DOK6: variants seen among roughly 807,000 people sequenced by gnomAD.
DOK6 encodes the protein docking protein 6.
In DOK6, 22 loss-of-function variants were observed where a neutral mutation model predicts 44.0. That is an observed-to-expected ratio of 0.50 (90% confidence interval 0.36 to 0.71). The LOEUF is 0.71. Ranked by LOEUF, DOK6 falls within the 30% of genes least tolerant of loss-of-function variation. The pLI is 0.00. For missense variants in DOK6, 340 were observed against 416.4 expected (o/e 0.82, Z 1.60); for synonymous variants, 166 against 145.5 (o/e 1.14, Z -1.01).
rs990108779 is a variant in DOK6, at chr18:69,842,683, G to A, written c.*1300G>A. 2.0e-5 allele frequency: 3 copies of A among 152,186 alleles called. No individual in the cohort carries two copies. The highest frequency in any genetic ancestry group is 4.4e-5 in the Non-Finnish European group (3 of 68,028). The allele number at this position is 152,186 out of a possible 1,614,324, so 9.4% of individuals were successfully genotyped here. A position where few individuals can be genotyped will look rare whatever the true frequency, so the allele number is the denominator to read the frequency against. On this transcript the variant is annotated 3_prime_UTR_variant, in exon 8 of 8. Transcript: ENST00000382713. ...CTGACACTGATTACAAACCTACAGT[G>A]TTTAAAGGGAGGTAGTGAATTCCAC...
intron 1 of DOK6, among the ~76,000 whole-genome samples, chr18:69,520,887 AC>A (rs892787633): frequency 4.6e-4 from 70 of 152,012 alleles, no homozygotes; most frequent in African/African-American, 1.7e-3. Context: ...TCTAGGCTCT[AC>A]CTAAATAGTT....
chr18:69,628,970 G>A (rs1188322230), intron 3 of DOK6, among the ~76,000 whole-genome samples: 2 of 152,224 alleles, frequency 1.3e-5, no homozygotes, highest in Admixed American at 1.3e-4. Context: ...CAGCAAAAGA[G>A]CCCAGCTTAT....
intron 1 of DOK6, among the ~76,000 whole-genome samples, chr18:69,482,361 G>A (rs1014399500): frequency 3.9e-5 from 6 of 152,006 alleles, no homozygotes; most frequent in African/African-American, 1.4e-4. Flanking sequence ...GGCTTGGCAC[G>A]AGTCTTCCAA....
chr18:69,789,897 G>A (rs1228575437), intron 7 of DOK6, among the ~76,000 whole-genome samples: 2 of 152,094 alleles, frequency 1.3e-5, no homozygotes, highest in Non-Finnish European at 2.9e-5. Flanking sequence ...CATTAGGGGA[G>A]GCTGCAGTGT....
At chr18:69,751,755 A>T (rs888251222) in intron 6 of DOK6, among the ~76,000 whole-genome samples, 2 of 152,194 alleles carry the variant, frequency 1.3e-5, no homozygotes, top group African/African-American at 4.8e-5. Context: ...CTCTAATGGC[A>T]GTGCTTTGGG....
intron 1 of DOK6, among the ~76,000 whole-genome samples, chr18:69,525,022 A>G (rs1477215346): frequency 6.6e-6 from 1 of 151,822 alleles, no homozygotes; most frequent in Admixed American, 6.6e-5. Context: ...TATATAAATG[A>G]ATATAAAAAT....
chr18:69,522,963 A>C (rs1458588669), intron 1 of DOK6, among the ~76,000 whole-genome samples: 1 of 152,130 alleles, frequency 6.6e-6, no homozygotes, highest in African/African-American at 2.4e-5. Flanking sequence ...GTGCTCTGTA[A>C]GAATGGAAGC....
At chr18:69,699,348 A>T (rs1328313426) in intron 5 of DOK6, among the ~76,000 whole-genome samples, 1 of 152,188 alleles carries the variant, frequency 6.6e-6, no homozygotes, top group Non-Finnish European at 1.5e-5. Context: ...ATTGCATTTG[A>T]TATAATATTT....
At chr18:69,513,102 TTAAAA>T (rs1209718636) in intron 1 of DOK6, among the ~76,000 whole-genome samples, 2 of 124,168 alleles carry the variant, frequency 1.6e-5, no homozygotes, top group African/African-American at 2.6e-5. Flanking sequence ...ATATCTATAC[TTAAAA>T]TAACAAAGCT....
intron 5 of DOK6, among the ~76,000 whole-genome samples, chr18:69,706,960 G>C (rs1986649864): frequency 6.6e-6 from 1 of 151,932 alleles, no homozygotes; most frequent in African/African-American, 2.4e-5. Context: ...TTGGTTCCAA[G>C]TCTTTGCTAT....
chr18:69,672,415 A>G (rs1260098298), intron 3 of DOK6, among the ~76,000 whole-genome samples: 3 of 152,162 alleles, frequency 2.0e-5, no homozygotes, highest in Non-Finnish European at 1.5e-5. Context: ...CTGGAGTGCA[A>G]TGGCGCGATC....
intron 3 of DOK6, among the ~76,000 whole-genome samples, chr18:69,650,838 C>T (rs1410219151): frequency 6.6e-6 from 1 of 152,168 alleles, no homozygotes; most frequent in Non-Finnish European, 1.5e-5. Context: ...GCTGCTATTA[C>T]TGCTTCTAAT....
intron 1 of DOK6, among the ~76,000 whole-genome samples, chr18:69,427,218 A>C (rs926087302): frequency 2.0e-5 from 3 of 152,062 alleles, no homozygotes; most frequent in African/African-American, 7.2e-5. Flanking sequence ...TTATGGCTGC[A>C]TAGCACTCCA....
At chr18:69,482,990 G>C (rs1414172339) in intron 1 of DOK6, among the ~76,000 whole-genome samples, 2 of 151,634 alleles carry the variant, frequency 1.3e-5, no homozygotes, top group Non-Finnish European at 2.9e-5. Context: ...CATAACCCAG[G>C]TATTAAGCCT....
At chr18:69,456,121 C>T (rs1200920411) in intron 1 of DOK6, among the ~76,000 whole-genome samples, 3 of 152,042 alleles carry the variant, frequency 2.0e-5, no homozygotes, top group African/African-American at 7.2e-5. Flanking sequence ...CTCAAAACAC[C>T]CCTCTTTTTT....
At chr18:69,614,488 C>A (rs1984235259) in intron 3 of DOK6, among the ~76,000 whole-genome samples, 4 of 152,026 alleles carry the variant, frequency 2.6e-5, no homozygotes, top group Admixed American at 2.6e-4. Flanking sequence ...ATGGTCACCA[C>A]AATCAAGCTA....
At chr18:69,545,143 T>C (rs1982371077) in intron 1 of DOK6, among the ~76,000 whole-genome samples, 1 of 150,782 alleles carries the variant, frequency 6.6e-6, no homozygotes, top group African/African-American at 2.4e-5. Context: ...CAACCCATGA[T>C]ATCAGAAAAC....
chr18:69,615,800 T>C (rs1189100274), intron 3 of DOK6, among the ~76,000 whole-genome samples: 1 of 152,174 alleles, frequency 6.6e-6, no homozygotes, highest in East Asian at 1.9e-4. Flanking sequence ...AACTGCCCTG[T>C]AGTGACCAGC....
intron 1 of DOK6, among the ~76,000 whole-genome samples, chr18:69,526,173 C>G (rs947475228): frequency 6.6e-6 from 1 of 152,046 alleles, no homozygotes; most frequent in Non-Finnish European, 1.5e-5. Context: ...TCACTACAAT[C>G]AATCTTAGAA....
Sources: allele counts gnomAD v4.1 joint callset (sites outside exome capture counted in the v4.1 genomes callset), GRCh38; gene constraint gnomAD v4.1.1; transcripts MANE v1.5; gene names NCBI Gene and HGNC (gene_info 2026-07-23, HGNC 2026-07-21).